ZNF512: variants seen among roughly 807,000 people sequenced by gnomAD.
The protein encoded by ZNF512 is zinc finger protein 512.
A neutral mutation model predicts 77.5 loss-of-function variants in ZNF512; 25 were observed. That is an observed-to-expected ratio of 0.32 (90% confidence interval 0.23 to 0.45). ZNF512 has a LOEUF of 0.45. Ranked by LOEUF, ZNF512 falls within the 20% of genes least tolerant of loss-of-function variation. ZNF512 has a pLI of 1.00. For synonymous variants in ZNF512, 246 were observed against 239.9 expected (o/e 1.03, Z -0.24); for missense variants, 483 against 692.6 (o/e 0.70, Z 3.40).
intron 9 of ZNF512, among the ~76,000 whole-genome samples, chr2:27,604,064 T>C (rs924617834): frequency 8.5e-5 from 13 of 152,092 alleles, no homozygotes; most frequent in African/African-American, 3.1e-4. Context: ...GTAGCTGGGA[T>C]TACAGGTGCG....
chr2:27,603,591 T>TGTGTGTGTGTGTGTGTG (rs772409987), intron 9 of ZNF512, among the ~76,000 whole-genome samples: 13 of 87,224 alleles, frequency 1.5e-4, no homozygotes, highest in Admixed American at 3.2e-4. Flanking sequence ...TGTGTGTATA[T>TGTGTGTGTGTGTGTGTG]TTTTTTTTTT....
At position 27,599,600 on chromosome 2, in the gene ZNF512, G is replaced by T; in HGVS notation, c.295G>T (p.Ala99Ser). The T allele has an allele frequency of 6.2e-7, 1 of 1,614,152 alleles. No individual in the cohort carries two copies. The highest frequency in any genetic ancestry group is 1.1e-5 in the South Asian group (1 of 91,070). Residue 99 changes from alanine to serine, a missense_variant, in exon 4 of 14, where the codon GCC becomes TCC. Coordinates refer to ENST00000355467, the MANE Select transcript of ZNF512 (RefSeq NM_032434.4). ...SHVEGSGGVS[A>S]KGKRKPRQEE... Reference sequence around the variant, plus strand: ...TACTTCAGGGTCAGGTGGAGTATCAGCCAAGGGGAAAAGGAAACCCAGGCA... The same window carrying T: ...TACTTCAGGGTCAGGTGGAGTATCATCCAAGGGGAAAAGGAAACCCAGGCA...
chr2:27,610,544 G>GTGTGTGTATATATATA (rs1413007886), intron 10 of ZNF512, among the ~76,000 whole-genome samples: 1 of 32,654 alleles, frequency 3.1e-5, no homozygotes, highest in Non-Finnish European at 4.8e-5. Flanking sequence ...ATATGTGTGT[G>GTGTGTGTATATATATA]TATATATATA....
chr2:27,606,146 T>C (rs1406236183), intron 9 of ZNF512, among the ~76,000 whole-genome samples: 14 of 152,206 alleles, frequency 9.2e-5, no homozygotes, highest in African/African-American at 2.2e-4. Flanking sequence ...TTCAAATCCT[T>C]TGTTCATTTT....
intron 2 of ZNF512, among the ~76,000 whole-genome samples, chr2:27,597,246 A>C (rs1422887758): frequency 6.6e-6 from 1 of 151,836 alleles, no homozygotes; most frequent in African/African-American, 2.4e-5. Context: ...CCTTTTGTTT[A>C]CTCTTTCTCC....
intron 9 of ZNF512, among the ~76,000 whole-genome samples, chr2:27,606,438 C>T (rs1672365521): frequency 6.6e-6 from 1 of 152,040 alleles, no homozygotes; most frequent in Non-Finnish European, 1.5e-5. Context: ...TCTTGGCTCA[C>T]TGCAACCTCC....
chr2:27,618,219 C>G (rs1046398735), intron 13 of ZNF512, among the ~76,000 whole-genome samples: 1 of 152,216 alleles, frequency 6.6e-6, no homozygotes, highest in Non-Finnish European at 1.5e-5. Context: ...CATGCCCGGC[C>G]TGAACTCTTC....
intron 10 of ZNF512, among the ~76,000 whole-genome samples, chr2:27,611,148 T>C (rs924765766): frequency 6.6e-6 from 1 of 152,214 alleles, no homozygotes; most frequent in African/African-American, 2.4e-5. Context: ...GAAATAATTT[T>C]AGACTAGTTA....
chr2:27,603,116 T>A, intron 8 of ZNF512, 24 bp from the exon 9 acceptor site: 1 of 1,612,098 alleles, frequency 6.2e-7, no homozygotes, highest in Non-Finnish European at 8.5e-7. Context: ...AAGATTATAG[T>A]TTAGGCTTCT....
At chr2:27,607,204 A>G (rs1672406838) in intron 9 of ZNF512, among the ~76,000 whole-genome samples, 1 of 152,178 alleles carries the variant, frequency 6.6e-6, no homozygotes, top group Non-Finnish European at 1.5e-5. Context: ...ACCGTCATAC[A>G]CAGGATCACA....
intron 10 of ZNF512, among the ~76,000 whole-genome samples, chr2:27,611,285 T>C (rs12987055): frequency 0.24 from 36,721 of 152,088 alleles, 5,624 homozygotes; most frequent in East Asian, 0.49. Context: ...TCTTCCAATC[T>C]GTTATAGTTC....
chr2:27,587,888 C>T (rs899072753), intron 2 of ZNF512, among the ~76,000 whole-genome samples: 2 of 152,002 alleles, frequency 1.3e-5, no homozygotes, highest in African/African-American at 4.8e-5. Flanking sequence ...CCATGTTGGT[C>T]AGGCTGGTCT....
intron 1 of ZNF512, 124 bp from the exon 2 acceptor site, chr2:27,583,534 C>T (rs1671205084): frequency 1.3e-6 from 2 of 1,521,638 alleles, no homozygotes; most frequent in Admixed American, 4.8e-5. Context: ...AAGGTGTTGC[C>T]TTCTTGTGTT....
intron 5 of ZNF512, 140 bp from the exon 6 acceptor site, chr2:27,600,551 A>G: frequency 3.2e-6 from 3 of 923,564 alleles, no homozygotes; most frequent in South Asian, 3.7e-5. Context: ...TAGAAGTTAT[A>G]CCCAGCAAGA....
rs754321547 is a variant in ZNF512, at chr2:27,583,188, G to C, written c.30+46G>C. On this transcript the variant is annotated intron_variant, in intron 1 of 13. Coordinates refer to ENST00000355467, the MANE Select transcript of ZNF512 (RefSeq NM_032434.4). ...GTTATGCTTTAGAGGTAGCGCTGTC[G>C]AGCCCGGAACACGCGGTCCCTCGCT... 9 of 1,613,982 alleles carry C rather than the reference G, an allele frequency of 5.6e-6. No homozygotes were observed. The Admixed American group carries it at 1.3e-4, about 24-fold the overall frequency.
chr2:27,609,096 G>A (rs1481466753), intron 10 of ZNF512, among the ~76,000 whole-genome samples: 28 of 149,110 alleles, frequency 1.9e-4, no homozygotes, highest in African/African-American at 6.9e-4. Context: ...GTGACAGAGT[G>A]AGACTCTGTC....
At chr2:27,615,303 T>A in intron 11 of ZNF512, 34 bp downstream of exon 11, 1 of 1,381,446 alleles carries the variant, frequency 7.2e-7, no homozygotes. Context: ...TCAGTAAATG[T>A]TTATCAAGCA....
chr2:27,621,386 A>G lies in ZNF512; in HGVS notation c.1629A>G (p.Pro543=). 2 of 1,614,114 alleles carry G rather than the reference A, an allele frequency of 1.2e-6. No homozygotes were observed. Among genetic ancestry groups the G allele is most frequent in the Non-Finnish European group, 1.7e-6 (2 of 1,180,026 alleles). The change falls in exon 14 of 14, where the codon CCA becomes CCG. Residue 543 remains proline (P), a synonymous_variant. Transcript: ENST00000355467. ...TAGTGTCAGCCTCCTGTAAGGAACC[A>G]GAGCAGGAGCCAGTGCCAGCACAGT... ...ELVVSASCKE[P]EQEPVPAQFQ...
intron 9 of ZNF512, 102 bp from the exon 10 acceptor site, chr2:27,607,743 A>C (rs1162848750): frequency 1.8e-6 from 2 of 1,089,946 alleles, no homozygotes; most frequent in Non-Finnish European, 2.7e-6. Flanking sequence ...AATCTACTAC[A>C]TAGCTCTTTT....
Sources: gnomAD v4.1 joint callset for allele counts (sites outside exome capture counted in the v4.1 genomes callset) on GRCh38, gnomAD v4.1.1 for gene constraint, MANE v1.5 for transcripts, NCBI Gene and HGNC (gene_info 2026-07-23, HGNC 2026-07-21) for gene names.